ZNF521: variants seen among roughly 807,000 people sequenced by gnomAD.
ZNF521 encodes the protein LYST-interacting protein 3.
A neutral mutation model predicts 105.5 loss-of-function variants in ZNF521; 14 were observed. That is an observed-to-expected ratio of 0.13 (90% confidence interval 0.09 to 0.21). The LOEUF (loss-of-function observed/expected upper bound fraction) is 0.21. Ranked by LOEUF, ZNF521 falls within the 10% of genes least tolerant of loss-of-function variation. ZNF521 has a pLI of 1.00. For missense variants in ZNF521, 1,233 were observed against 1,629.7 expected, an observed-to-expected ratio of 0.76 and a Z score of 4.19; for synonymous variants, 635 against 606.0, an observed-to-expected ratio of 1.05 and a Z score of -0.70.
intron 5 of ZNF521, among the ~76,000 whole-genome samples, chr18:25,164,963 C>T (rs1032337881): frequency 2.0e-5 from 3 of 152,096 alleles, no homozygotes; most frequent in Non-Finnish European, 4.4e-5. Context: ...TAATGAACAC[C>T]GATGTCGTGC....
chr18:25,115,105 T>C (rs2034276837), intron 5 of ZNF521, among the ~76,000 whole-genome samples: 2 of 152,226 alleles, frequency 1.3e-5, no homozygotes, highest in Non-Finnish European at 2.9e-5. Flanking sequence ...AGGCATCCAT[T>C]TGTTACTTGA....
chr18:25,100,291 G>A (rs1364413104), intron 5 of ZNF521, among the ~76,000 whole-genome samples: 1 of 152,006 alleles, frequency 6.6e-6, no homozygotes, highest in Non-Finnish European at 1.5e-5. Flanking sequence ...CAAATGTTAT[G>A]GTCCTTGACA....
At chr18:25,126,705 C>A (rs1216211522) in intron 5 of ZNF521, among the ~76,000 whole-genome samples, 2 of 151,828 alleles carry the variant, frequency 1.3e-5, no homozygotes, top group Non-Finnish European at 2.9e-5. Flanking sequence ...GAGATAAGCA[C>A]AATAAGATAA....
intron 4 of ZNF521, among the ~76,000 whole-genome samples, chr18:25,208,745 T>A (rs2036126078): frequency 6.6e-6 from 1 of 152,228 alleles, no homozygotes; most frequent in African/African-American, 2.4e-5. Context: ...TTACACTGTT[T>A]AGATTAATTT....
chr18:25,231,425 C>T (rs138550883), intron 3 of ZNF521: 6 of 152,320 alleles, frequency 3.9e-5, no homozygotes, highest in African/African-American at 1.4e-4. Flanking sequence ...GAAGTCATAC[C>T]AGAAGGAGTT....
At chr18:25,132,766 C>T (rs777988057) in intron 5 of ZNF521, among the ~76,000 whole-genome samples, 2 of 152,150 alleles carry the variant, frequency 1.3e-5, no homozygotes, top group Admixed American at 6.5e-5. Context: ...CCCCTTGGGC[C>T]GTTCTCCTGT....
intron 2 of ZNF521, among the ~76,000 whole-genome samples, chr18:25,338,133 T>G (rs1483973794): frequency 1.3e-5 from 2 of 152,156 alleles, no homozygotes; most frequent in Admixed American, 1.3e-4. Flanking sequence ...AACAGATATT[T>G]AAGGAACAGT....
At position 25,062,752 on chromosome 18, in the gene ZNF521, C is replaced by CAGAAAA; in HGVS notation, c.3907-12_3907-11insTTTTCT. 2.8e-6 allele frequency: 1 copy of CAGAAAA among 359,496 alleles called. No homozygotes were observed. Among genetic ancestry groups the CAGAAAA allele is most frequent in the Non-Finnish European group, 4.3e-6 (1 of 234,470 alleles). 22.3% of individuals were successfully genotyped at this position (359,496 alleles called of 1,614,324 possible). ...GGTCATTGTATGATTCTGTAAATAA[C>CAGAAAA]AAAAAAAAAAAAAAAAAAAAAAAAA... On this transcript the variant is annotated splice_polypyrimidine_tract_variant and intron_variant, in intron 7 of 7. Coordinates refer to ENST00000361524, the MANE Select transcript of ZNF521 (RefSeq NM_015461.3).
intron 3 of ZNF521, among the ~76,000 whole-genome samples, chr18:25,286,197 G>A (rs756844735): frequency 1.3e-5 from 2 of 152,176 alleles, no homozygotes; most frequent in Non-Finnish European, 2.9e-5. Context: ...AAGAGCTCTG[G>A]CACTGATGAG....
intron 5 of ZNF521, among the ~76,000 whole-genome samples, chr18:25,193,117 G>A (rs1363443524): frequency 1.3e-5 from 2 of 151,998 alleles, no homozygotes; most frequent in African/African-American, 4.8e-5. Flanking sequence ...CTATAAGGTA[G>A]AAGGGAAAAA....
At chr18:25,078,414 G>A (rs906240035) in intron 7 of ZNF521, among the ~76,000 whole-genome samples, 1 of 152,166 alleles carries the variant, frequency 6.6e-6, no homozygotes, top group Non-Finnish European at 1.5e-5. Flanking sequence ...CAGTGAACAC[G>A]GCCATTCTTG....
chr18:25,338,671 C>T (rs981745807), intron 2 of ZNF521, among the ~76,000 whole-genome samples: 1 of 152,144 alleles, frequency 6.6e-6, no homozygotes, highest in African/African-American at 2.4e-5. Flanking sequence ...CTCAGTCTCC[C>T]AAAATCCTAG....
intron 5 of ZNF521, among the ~76,000 whole-genome samples, chr18:25,192,735 C>T (rs1467280133): frequency 2.0e-5 from 3 of 150,708 alleles, no homozygotes; most frequent in Non-Finnish European, 3.0e-5. Flanking sequence ...AAAATACCTA[C>T]CCTCAATGGA....
intron 3 of ZNF521, among the ~76,000 whole-genome samples, chr18:25,264,152 C>T (rs542954344): frequency 9.9e-5 from 15 of 152,200 alleles, no homozygotes; most frequent in South Asian, 4.1e-4. Flanking sequence ...CTCTTTGGAC[C>T]GCAACTACTC....
At chr18:25,124,195 G>C in intron 5 of ZNF521, among the ~76,000 whole-genome samples, 1 of 152,064 alleles carries the variant, frequency 6.6e-6, no homozygotes, top group Non-Finnish European at 1.5e-5. Flanking sequence ...ATTTGTAACT[G>C]GGTAAGTTTT....
chr18:25,102,533 TA>T (rs2033987817), intron 5 of ZNF521, among the ~76,000 whole-genome samples: 1 of 151,982 alleles, frequency 6.6e-6, no homozygotes, highest in South Asian at 2.1e-4. Flanking sequence ...TTTTTATTTT[TA>T]TTTTTTAGAG....
At chr18:25,097,408 T>C (rs973181362) in intron 5 of ZNF521, among the ~76,000 whole-genome samples, 1 of 152,156 alleles carries the variant, frequency 6.6e-6, no homozygotes, top group African/African-American at 2.4e-5. Flanking sequence ...TTTGAGAGAA[T>C]TGCATATTGT....
chr18:25,287,769 C>T (rs568944431), intron 3 of ZNF521, among the ~76,000 whole-genome samples: 2 of 152,240 alleles, frequency 1.3e-5, no homozygotes, highest in South Asian at 4.2e-4. Context: ...TACTTTGATA[C>T]AACTAGTCAT....
chr18:25,285,251 A>G lies in ZNF521; in HGVS notation c.220+36757T>C, dbSNP rs777162823. ...AGACCGCTTGGGGACACGCAACAATATAACTCTACATTTTCAGGCATTCGG... is the reference window on the plus strand; with the variant it reads ...AGACCGCTTGGGGACACGCAACAATGTAACTCTACATTTTCAGGCATTCGG... On this transcript the variant is annotated intron_variant, in intron 3 of 7. Transcript: ENST00000361524. Among the ~76,000 whole-genome samples the G allele has an allele frequency of 3.5e-4, 53 of 152,192 alleles. 1 individual carries two copies. The highest frequency in any genetic ancestry group is 5.4e-4 in the Non-Finnish European group (37 of 68,042).
Sources: gnomAD v4.1 joint callset for allele counts (sites outside exome capture counted in the v4.1 genomes callset) on GRCh38, gnomAD v4.1.1 for gene constraint, MANE v1.5 for transcripts, NCBI Gene and HGNC (gene_info 2026-07-23, HGNC 2026-07-21) for gene names.